The following GREB1L variants were observed in gnomAD, a reference collection of about 807,000 sequenced individuals.
GREB1L encodes the protein GREB1 like retinoic acid receptor coactivator.
Under a neutral mutation model 200.8 loss-of-function variants are expected in GREB1L, and 17 were observed. The ratio of observed to expected loss-of-function variants is 0.08; its 90% confidence interval spans 0.06 to 0.13. The LOEUF (loss-of-function observed/expected upper bound fraction) is 0.13. GREB1L is among the 10% of genes least tolerant of loss of function. The pLI is 1.00. For missense variants in GREB1L, 1,657 were observed against 2,367.7 expected, an observed-to-expected ratio of 0.70 and a Z score of 6.23; for synonymous variants, 789 against 893.0, an observed-to-expected ratio of 0.88 and a Z score of 2.08.
At chr18:21,402,991 A>G (rs766537589) in intron 6 of GREB1L, among the ~76,000 whole-genome samples, 1 of 152,078 alleles carries the variant, frequency 6.6e-6, no homozygotes. Flanking sequence ...TTAGGCCAGA[A>G]TACAATAGCT....
intron 1 of GREB1L, among the ~76,000 whole-genome samples, chr18:21,362,663 G>T (rs2039597442): frequency 6.6e-6 from 1 of 152,156 alleles, no homozygotes; most frequent in East Asian, 1.9e-4. Context: ...TCCATAATTG[G>T]CATTGACCAC....
intron 1 of GREB1L, among the ~76,000 whole-genome samples, chr18:21,337,956 C>T (rs532501433): frequency 1.1e-4 from 16 of 151,966 alleles, no homozygotes; most frequent in Admixed American, 1.3e-4. Flanking sequence ...CACTGCACTG[C>T]AGCCTAGGCG....
At chr18:21,343,239 C>T (rs919492551) in intron 1 of GREB1L, among the ~76,000 whole-genome samples, 5 of 152,080 alleles carry the variant, frequency 3.3e-5, no homozygotes, top group African/African-American at 7.2e-5. Flanking sequence ...TAAAGTGCCC[C>T]GACTGGATTC....
intron 17 of GREB1L, among the ~76,000 whole-genome samples, chr18:21,483,123 T>A (rs1170358942): frequency 1.3e-5 from 2 of 152,170 alleles, no homozygotes; most frequent in African/African-American, 2.4e-5. Context: ...GGCCATCTAT[T>A]TACCAACCTG....
chr18:21,269,693 C>G (rs2038048021), intron 1 of GREB1L, among the ~76,000 whole-genome samples: 1 of 152,110 alleles, frequency 6.6e-6, no homozygotes, highest in African/African-American at 2.4e-5. Flanking sequence ...TTTAAGCATA[C>G]TGGAACAAAT....
chr18:21,491,788 C>A (rs1455444622), intron 19 of GREB1L, among the ~76,000 whole-genome samples: 1 of 151,570 alleles, frequency 6.6e-6, no homozygotes, highest in East Asian at 1.9e-4. Context: ...TTGAATAATC[C>A]AAAATGCAGA....
intron 1 of GREB1L, among the ~76,000 whole-genome samples, chr18:21,264,636 G>A (rs1419938916): frequency 6.6e-6 from 1 of 152,062 alleles, no homozygotes; most frequent in Non-Finnish European, 1.5e-5. Flanking sequence ...ACTAGTTCGA[G>A]GTAGAGGGGA....
chr18:21,494,984 G>A (rs895292348), intron 19 of GREB1L, among the ~76,000 whole-genome samples: 4 of 152,074 alleles, frequency 2.6e-5, no homozygotes, highest in Non-Finnish European at 5.9e-5. Context: ...ATACTTAATA[G>A]GTTCTTTGAG....
At chr18:21,281,030 T>A (rs2038260268) in intron 1 of GREB1L, among the ~76,000 whole-genome samples, 1 of 152,134 alleles carries the variant, frequency 6.6e-6, no homozygotes, top group African/African-American at 2.4e-5. Context: ...CCTAATCCCC[T>A]TGTTTGCAGA....
At chr18:21,300,273 C>T (rs1432759451) in intron 1 of GREB1L, among the ~76,000 whole-genome samples, 1 of 152,152 alleles carries the variant, frequency 6.6e-6, no homozygotes, top group Non-Finnish European at 1.5e-5. Context: ...AAGTGACATT[C>T]CTTCACGGAT....
At chr18:21,476,644 A>ACCG (rs2035711227) in intron 16 of GREB1L, among the ~76,000 whole-genome samples, 1 of 151,354 alleles carries the variant, frequency 6.6e-6, no homozygotes, top group South Asian at 2.1e-4. Flanking sequence ...ATTTCTGCTC[A>ACCG]CCGCCACCTC....
chr18:21,436,441 C>G (rs2033540217), intron 7 of GREB1L, among the ~76,000 whole-genome samples: 1 of 151,930 alleles, frequency 6.6e-6, no homozygotes, highest in African/African-American at 2.4e-5. Flanking sequence ...CCAGACCAGC[C>G]CAGGTTACAA....
intron 11 of GREB1L, 62 bp from the exon 12 acceptor site, chr18:21,449,448 G>C: frequency 5.2e-6 from 5 of 962,748 alleles, no homozygotes; most frequent in Non-Finnish European, 7.6e-6. Context: ...AAAGCATATG[G>C]GTGTGTGTGT....
rs1215899067 is a variant in GREB1L at position 21,449,680 on chromosome 18, G to C, written c.1564G>C (p.Val522Leu). 5 of 1,551,520 alleles carry C rather than the reference G, an allele frequency of 3.2e-6. No homozygotes were observed. Among genetic ancestry groups the C allele is most frequent in the Non-Finnish European group, 4.4e-6 (5 of 1,146,996 alleles). ...AATTGCCAGCGTATCTCAAGACTTGGTTCATGTGGTTGTGACCCAGAACTC... is the reference window on the plus strand; with the variant it reads ...AATTGCCAGCGTATCTCAAGACTTGCTTCATGTGGTTGTGACCCAGAACTC... Reference protein sequence around the residue: ...RLIASVSQDLVHVVVTQNSLA... With the variant: ...RLIASVSQDLLHVVVTQNSLA... The change falls in exon 12 of 33, where the codon GTT (valine) becomes CTT (leucine). Residue 522 changes from valine to leucine, a missense_variant. Coordinates refer to ENST00000424526, the MANE Select transcript of GREB1L (RefSeq NM_001142966.3).
chr18:21,278,433 G>A (rs2144398123), intron 1 of GREB1L, among the ~76,000 whole-genome samples: 1 of 143,956 alleles, frequency 6.9e-6, no homozygotes, highest in East Asian at 2.0e-4. Context: ...AATAAATAAA[G>A]TTACAACAGC....
At chr18:21,397,655 G>A (rs2041140570) in intron 5 of GREB1L, among the ~76,000 whole-genome samples, 2 of 152,020 alleles carry the variant, frequency 1.3e-5, no homozygotes, top group Non-Finnish European at 2.9e-5. Context: ...GAGCCAAGAT[G>A]GCGCCCCTGC....
intron 1 of GREB1L, among the ~76,000 whole-genome samples, chr18:21,303,484 A>G (rs73422055): frequency 1.7e-3 from 255 of 152,358 alleles, no homozygotes; most frequent in African/African-American, 5.8e-3. Context: ...CGGAGACTTT[A>G]TAATTGATTT....
intron 4 of GREB1L, among the ~76,000 whole-genome samples, chr18:21,390,598 G>A (rs1363231289): frequency 1.3e-5 from 2 of 152,128 alleles, no homozygotes; most frequent in African/African-American, 2.4e-5. Flanking sequence ...GTGCAATGGC[G>A]CAATCTCGGC....
chr18:21,415,328 A>C (rs971898635), intron 7 of GREB1L, among the ~76,000 whole-genome samples: 8 of 152,212 alleles, frequency 5.3e-5, no homozygotes, highest in Non-Finnish European at 1.2e-4. Flanking sequence ...CAGCCTGGGC[A>C]ACCTGGTGAG....
Sources: gnomAD v4.1 joint callset for allele counts (sites outside exome capture counted in the v4.1 genomes callset) on GRCh38, gnomAD v4.1.1 for gene constraint, MANE v1.5 for transcripts, NCBI Gene and HGNC (gene_info 2026-07-23, HGNC 2026-07-21) for gene names.